Variants in FREM2 observed in about 807,000 individuals in gnomAD.
FREM2 encodes the protein FRAS1 related extracellular matrix 2.
A neutral mutation model predicts 219.9 loss-of-function variants in FREM2; 119 were observed. The ratio of observed to expected loss-of-function variants is 0.54; its 90% CI spans 0.47 to 0.63. FREM2 has a LOEUF of 0.63. Among genes scored for constraint, FREM2 ranks in the 30% least tolerant of loss-of-function variants. The pLI is 0.00. For synonymous variants in FREM2, 1,562 were observed against 1,522.8 expected (o/e 1.03, Z -0.60); for missense variants, 4,030 against 3,993.6 (o/e 1.01, Z -0.25).
At chr13:38,747,680 C>A (rs1374592361) in intron 2 of FREM2, among the ~76,000 whole-genome samples, 1 of 152,092 alleles carries the variant, frequency 6.6e-6, no homozygotes, top group African/African-American at 2.4e-5. Flanking sequence ...ATCAATGACT[C>A]AGAATTGTCT....
chr13:38,688,770 C>T lies in FREM2; in HGVS notation c.1426C>T (p.Leu476=), dbSNP rs761910816. The T allele has an allele frequency of 3.7e-6, 6 of 1,614,066 alleles. No individual in the cohort carries two copies. In the South Asian group the frequency reaches 5.5e-5, roughly 15 times the overall value. The change falls in exon 1 of 24, where the codon CTA becomes TTA. Residue 476 remains leucine, a synonymous_variant. Coordinates refer to ENST00000280481, the MANE Select transcript of FREM2 (RefSeq NM_207361.6). ...CTTGGTCATCAGCGATGAGGATGAC[C>T]TAGAAGCAGTGCGGCTAGAGGTGGT... ...QNLVISDEDD[L]EAVRLEVVAG...
intron 2 of FREM2, among the ~76,000 whole-genome samples, chr13:38,703,988 A>G (rs951109678): frequency 2.6e-5 from 4 of 152,194 alleles, no homozygotes; most frequent in South Asian, 2.1e-4. Context: ...TAGTATCTCA[A>G]TCTGTCTCTT....
At position 38,878,298 on chromosome 13, in the gene FREM2, C is replaced by T. The variant is rs749714748; in HGVS notation, c.8836C>T (p.Leu2946Phe). Residue 2946 changes from leucine to phenylalanine, a missense_variant, in exon 22 of 24, where the codon CTC (leucine) becomes TTC (phenylalanine). Leu to Phe is a conservative substitution (Grantham distance 22, BLOSUM62 0). Coordinates refer to ENST00000280481, the MANE Select transcript of FREM2 (RefSeq NM_207361.6). ...TGGCTGCTTAGCCGACTCTCCTTCACTCTTATATAGATTTAAAATTGTGGT... is the reference window on the plus strand; with the variant it reads ...TGGCTGCTTAGCCGACTCTCCTTCATTCTTATATAGATTTAAAATTGTGGT... ...EYGCLADSPS[L>F]LYRFKIVDKA... 6.2e-7 allele frequency: 1 copy of T among 1,613,362 alleles called. No homozygotes were observed. The highest frequency in any genetic ancestry group is 1.7e-5 in the Admixed American group (1 of 59,908).
chr13:38,796,237 C>T (rs760215381), intron 6 of FREM2, among the ~76,000 whole-genome samples: 29 of 152,120 alleles, frequency 1.9e-4, no homozygotes, highest in South Asian at 4.1e-4. Flanking sequence ...TCCTCTGGAA[C>T]GGATGACCCT....
intron 13 of FREM2, among the ~76,000 whole-genome samples, chr13:38,858,687 C>G (rs752783823): frequency 8.5e-5 from 13 of 152,112 alleles, no homozygotes; most frequent in Non-Finnish European, 1.6e-4. Context: ...TTTATTGAGT[C>G]AACAAGGCAG....
chr13:38,746,793 G>A (rs562491177), intron 2 of FREM2, among the ~76,000 whole-genome samples: 142 of 152,228 alleles, frequency 9.3e-4, no homozygotes, highest in Middle Eastern at 3.4e-3. Flanking sequence ...AGGGAGTGAG[G>A]GCTTTAAATG....
At chr13:38,797,382 T>C (rs192227469) in intron 6 of FREM2, among the ~76,000 whole-genome samples, 254 of 152,316 alleles carry the variant, frequency 1.7e-3, no homozygotes, top group African/African-American at 5.6e-3. Flanking sequence ...CATATATCTG[T>C]TGGCTATGTA....
At chr13:38,817,395 C>T (rs1875809216) in intron 6 of FREM2, among the ~76,000 whole-genome samples, 1 of 151,876 alleles carries the variant, frequency 6.6e-6, no homozygotes, top group Non-Finnish European at 1.5e-5. Flanking sequence ...AATATAGAAC[C>T]CAGAAGTAAA....
At chr13:38,802,263 G>A (rs1327153544) in intron 6 of FREM2, among the ~76,000 whole-genome samples, 3 of 151,966 alleles carry the variant, frequency 2.0e-5, no homozygotes, top group East Asian at 3.9e-4. Flanking sequence ...ACTCTCAATG[G>A]GAACAGAGTA....
intron 6 of FREM2, among the ~76,000 whole-genome samples, chr13:38,802,939 A>G (rs1875077731): frequency 6.6e-6 from 1 of 152,116 alleles, no homozygotes; most frequent in Non-Finnish European, 1.5e-5. Flanking sequence ...CTCCCAGCCA[A>G]TCCCAGCTGA....
At chr13:38,717,279 A>C (rs1248002946) in intron 2 of FREM2, among the ~76,000 whole-genome samples, 1 of 152,110 alleles carries the variant, frequency 6.6e-6, no homozygotes, top group Admixed American at 6.6e-5. Flanking sequence ...AGCTCTTTCC[A>C]CATGGAAGTA....
intron 6 of FREM2, among the ~76,000 whole-genome samples, chr13:38,834,619 C>T (rs1876638988): frequency 6.6e-6 from 1 of 152,182 alleles, no homozygotes; most frequent in Admixed American, 6.5e-5. Flanking sequence ...TCTGTGGTTT[C>T]CTGACTTTTT....
intron 14 of FREM2, among the ~76,000 whole-genome samples, 179 bp downstream of exon 14, chr13:38,859,769 C>G (rs1056281059): frequency 1.3e-5 from 2 of 152,128 alleles, no homozygotes; most frequent in African/African-American, 4.8e-5. Context: ...TTTATTCATT[C>G]TACCTTTAAG....
chr13:38,795,826 C>T (rs781229725), intron 6 of FREM2, among the ~76,000 whole-genome samples: 11 of 152,120 alleles, frequency 7.2e-5, no homozygotes, highest in Admixed American at 2.0e-4. Context: ...CTCCCACTTA[C>T]GAGGCAGAAT....
intron 4 of FREM2, among the ~76,000 whole-genome samples, chr13:38,781,200 G>A (rs1159030715): frequency 1.3e-5 from 2 of 151,712 alleles, no homozygotes; most frequent in African/African-American, 4.8e-5. Flanking sequence ...GCTATTCCTT[G>A]TACACACTTG....
intron 2 of FREM2, among the ~76,000 whole-genome samples, chr13:38,719,214 G>A (rs2496441): frequency 0.8 from 122,217 of 152,106 alleles, 49,913 homozygotes; most frequent in South Asian, 0.89. Context: ...AGCCAGCAGC[G>A]TATCATATTT....
chr13:38,858,672 A>G (rs766403652), intron 13 of FREM2, among the ~76,000 whole-genome samples: 2 of 152,232 alleles, frequency 1.3e-5, no homozygotes, highest in Non-Finnish European at 2.9e-5. Context: ...CTTATACAAT[A>G]CATGTTTATT....
chr13:38,712,043 C>T (rs7323879), intron 2 of FREM2, among the ~76,000 whole-genome samples: 17,776 of 151,354 alleles, frequency 0.12, 1,073 homozygotes, highest in South Asian at 0.19. Flanking sequence ...GCCTCAGCCT[C>T]CCTAATAGCT....
intron 6 of FREM2, among the ~76,000 whole-genome samples, chr13:38,836,293 G>A (rs753162066): frequency 2.0e-5 from 3 of 152,122 alleles, no homozygotes; most frequent in Non-Finnish European, 4.4e-5. Flanking sequence ...GGAAGAGGCC[G>A]ACTTGATCGT....
Sources: allele counts gnomAD v4.1 joint callset (sites outside exome capture counted in the v4.1 genomes callset), GRCh38; gene constraint gnomAD v4.1.1; transcripts MANE v1.5; gene names NCBI Gene and HGNC (gene_info 2026-07-23, HGNC 2026-07-21).